MAP2K5: variants seen among roughly 807,000 people sequenced by gnomAD.
The protein encoded by MAP2K5 is dual specificity mitogen-activated protein kinase kinase 5.
MAP2K5 carries 49 observed loss-of-function variants against 83.1 expected under a neutral mutation model. The observed-to-expected ratio is 0.59, with a 90% confidence interval of 0.47 to 0.75. The LOEUF (loss-of-function observed/expected upper bound fraction) is 0.75, where lower values mean the gene tolerates loss of function less well. MAP2K5 is among the 30% of genes least tolerant of loss of function. The pLI, the probability that MAP2K5 is intolerant of heterozygous loss-of-function variation, is 0.00. For missense variants in MAP2K5, 457 were observed against 557.5 expected, an observed-to-expected ratio of 0.82 and a Z score of 1.82; for synonymous variants, 202 against 191.8, an observed-to-expected ratio of 1.05 and a Z score of -0.44.
chr15:67,792,550 C>G (rs1211863906), intron 21 of MAP2K5, among the ~76,000 whole-genome samples: 1 of 152,190 alleles, frequency 6.6e-6, no homozygotes, highest in Admixed American at 6.5e-5. Flanking sequence ...GACCGTCTCT[C>G]TGGCTCATTT....
chr15:67,688,941 A>G (rs972933608), intron 13 of MAP2K5, among the ~76,000 whole-genome samples: 3 of 152,242 alleles, frequency 2.0e-5, no homozygotes, highest in African/African-American at 7.2e-5. Context: ...TAGCAAATTT[A>G]ATGTATCATT....
At chr15:67,730,360 C>T (rs147119925) in intron 17 of MAP2K5, among the ~76,000 whole-genome samples, 401 of 152,306 alleles carry the variant, frequency 2.6e-3, no homozygotes, top group African/African-American at 9.2e-3. Context: ...ATAGCCTCCC[C>T]TCATAAATTG....
At chr15:67,639,081 G>C (rs1033415625) in intron 9 of MAP2K5, among the ~76,000 whole-genome samples, 1 of 152,178 alleles carries the variant, frequency 6.6e-6, no homozygotes, top group Admixed American at 6.5e-5. Context: ...AAGATTTCAT[G>C]ATGAAGACAC....
intron 6 of MAP2K5, 103 bp from the exon 7 acceptor site, chr15:67,592,823 C>A: frequency 1.3e-6 from 1 of 775,268 alleles, no homozygotes; most frequent in Non-Finnish European, 2.2e-6. Flanking sequence ...AGAATATGCT[C>A]AATCCCTATA....
At position 67,794,724 on chromosome 15, in the gene MAP2K5, G is replaced by T. The variant is rs1168792267; in HGVS notation, c.1243-11922G>T. Among the ~76,000 whole-genome samples, 1 of 151,344 alleles carries T rather than the reference G, an allele frequency of 6.6e-6. No individual in the cohort carries two copies. Among genetic ancestry groups the T allele is most frequent in the African/African-American group, 2.4e-5 (1 of 41,170 alleles). The stretch of plus-strand genomic sequence containing the variant: ...TTGATGTTTTGATGTCCAGTGTCTA[G>T]CAATTTTTTCCTCTGTATTTTTTGT... On this transcript the variant is annotated intron_variant, in intron 21 of 21. Transcript: ENST00000178640. This position sits in a 1 kb window ranked among gnomAD's most constrained non-coding sequence, Gnocchi z 4.6.
intron 8 of MAP2K5, among the ~76,000 whole-genome samples, chr15:67,625,375 G>A (rs1379481894): frequency 6.6e-6 from 1 of 152,188 alleles, no homozygotes; most frequent in Non-Finnish European, 1.5e-5. Flanking sequence ...GAACACTCAA[G>A]GACCAAGCAC....
intron 13 of MAP2K5, among the ~76,000 whole-genome samples, chr15:67,691,863 G>A (rs2088122550): frequency 6.6e-6 from 1 of 152,130 alleles, no homozygotes; most frequent in Admixed American, 6.5e-5. Context: ...ATGAAACAAA[G>A]ACTAATAAGC....
chr15:67,649,065 C>G (rs2086897336), intron 11 of MAP2K5, among the ~76,000 whole-genome samples: 2 of 152,066 alleles, frequency 1.3e-5, no homozygotes, highest in African/African-American at 2.4e-5. Context: ...CATTTTGTGT[C>G]TTTTTAAAAT....
chr15:67,762,543 T>A, intron 19 of MAP2K5, among the ~76,000 whole-genome samples: 1 of 129,610 alleles, frequency 7.7e-6, no homozygotes, highest in Non-Finnish European at 1.6e-5. Context: ...TCTAAGTAAA[T>A]ATAAGTCTTT....
chr15:67,628,348 CAG>C (rs2141082474), intron 8 of MAP2K5: 3 of 522,268 alleles, frequency 5.7e-6, no homozygotes, highest in East Asian at 3.4e-5. Flanking sequence ...GTCGTGGTGG[CAG>C]GCACCTGTAA....
Position 67,801,760 on chromosome 15 carries a change from A to T in MAP2K5, c.1243-4886A>T, listed in dbSNP as rs569682008. The stretch of plus-strand genomic sequence containing the variant: ...AAGTGCTCAGTAAGTAGATGTATAC[A>T]TACAGAATATAGAAGTCACCTTTTC... On this transcript the variant is annotated intron_variant, in intron 21 of 21. Coordinates refer to ENST00000178640, the MANE Select transcript of MAP2K5 (RefSeq NM_145160.3). This position sits in a 1 kb window ranked among gnomAD's most constrained non-coding sequence, Gnocchi z 4.8. Among the ~76,000 whole-genome samples the T allele has an allele frequency of 6.6e-6, 1 of 152,214 alleles. No individual in the cohort carries two copies. The highest frequency in any genetic ancestry group is 1.5e-5 in the Non-Finnish European group (1 of 68,042).
At position 67,786,679 on chromosome 15, in the gene MAP2K5, C is replaced by G. The variant is rs528800894; in HGVS notation, c.1242+13927C>G. ...GTGGTACAACAGAAAGCCAGCTTCT[C>G]CCCTCCCTCTCCCTTCCTCTCCTAG... is the stretch of plus-strand genomic sequence containing the variant. On this transcript the variant is annotated intron_variant, in intron 21 of 21. Coordinates refer to ENST00000178640, the MANE Select transcript of MAP2K5 (RefSeq NM_145160.3). The surrounding 1 kb of genome is among the most constrained non-coding windows in gnomAD (Gnocchi z 4.7). 2.0e-5 allele frequency among the ~76,000 whole-genome samples: 3 copies of G among 152,298 alleles called. No homozygotes were observed. In the South Asian group the frequency reaches 6.2e-4, roughly 32 times the overall value.
At chr15:67,670,622 ATTCTGTTATTGT>A (rs2087506865) in intron 13 of MAP2K5, among the ~76,000 whole-genome samples, 1 of 152,042 alleles carries the variant, frequency 6.6e-6, no homozygotes, top group South Asian at 2.1e-4. Context: ...GGTCTTGGTG[ATTCTGTTATTGT>A]TTCTGTATCT....
intron 8 of MAP2K5, among the ~76,000 whole-genome samples, chr15:67,625,187 TGAAATA>T (rs2086289630): frequency 6.6e-6 from 1 of 152,216 alleles, no homozygotes; most frequent in Non-Finnish European, 1.5e-5. Flanking sequence ...TTGTTACAAA[TGAAATA>T]AGAAAGTATG....
Position 67,790,056 on chromosome 15 carries a change from A to G in MAP2K5, c.1243-16590A>G, listed in dbSNP as rs562251144. Among the ~76,000 whole-genome samples, 47 of 152,346 alleles carry G rather than the reference A, an allele frequency of 3.1e-4. No homozygotes were observed. The highest frequency in any genetic ancestry group is 1.1e-3 in the African/African-American group (45 of 41,576). On this transcript the variant is annotated intron_variant, in intron 21 of 21. Transcript: ENST00000178640. The surrounding 1 kb of genome is among the most constrained non-coding windows in gnomAD (Gnocchi z 4.6). Reference sequence around the variant, plus strand: ...AATAGCCAATAGCTGGGGGTAAACTACAAGAGAGTCGTTTTCTTTTCCCTT... The same window carrying G: ...AATAGCCAATAGCTGGGGGTAAACTGCAAGAGAGTCGTTTTCTTTTCCCTT...
chr15:67,696,504 C>G (rs1688603024), intron 15 of MAP2K5, among the ~76,000 whole-genome samples: 1 of 152,180 alleles, frequency 6.6e-6, no homozygotes. Flanking sequence ...AAAGTTGTAT[C>G]TGAAACTGAG....
intron 13 of MAP2K5, among the ~76,000 whole-genome samples, chr15:67,666,222 A>G (rs1175616030): frequency 6.6e-6 from 1 of 152,214 alleles, no homozygotes; most frequent in African/African-American, 2.4e-5. Context: ...CTCTCTAGCT[A>G]TAACTTTGTG....
At chr15:67,598,396 T>C (rs2085577230) in intron 7 of MAP2K5, among the ~76,000 whole-genome samples, 1 of 152,196 alleles carries the variant, frequency 6.6e-6, no homozygotes, top group Admixed American at 6.5e-5. Context: ...CTTGCAATCC[T>C]CCTGGTTATC....
intron 21 of MAP2K5, among the ~76,000 whole-genome samples, chr15:67,788,219 G>A (rs897157060): frequency 2.0e-5 from 3 of 152,186 alleles, no homozygotes; most frequent in Non-Finnish European, 4.4e-5. Flanking sequence ...CTTAAACAAT[G>A]TATAGCTCTG....
Sources: allele counts gnomAD v4.1 joint callset (sites outside exome capture counted in the v4.1 genomes callset), GRCh38; gene constraint gnomAD v4.1.1; non-coding constraint Gnocchi (gnomAD v3.1); transcripts MANE v1.5; gene names NCBI Gene and HGNC (gene_info 2026-07-23, HGNC 2026-07-21).